Variants in CCDC144A observed in about 807,000 individuals in gnomAD.
CCDC144A encodes the protein coiled-coil domain-containing protein 144A.
CCDC144A carries 41 observed loss-of-function variants against 143.8 expected under a neutral mutation model. That is an observed-to-expected ratio of 0.29 (90% CI 0.22 to 0.37). CCDC144A has a LOEUF of 0.37. Ranked by LOEUF, CCDC144A falls within the 10% of genes least tolerant of loss-of-function variation. The probability of loss-of-function intolerance (pLI) is 1.00; values close to 1 mark genes in which losing one functional copy is unlikely to be tolerated. For missense variants in CCDC144A, 637 were observed against 1,488.8 expected (o/e 0.43, Z 9.41); for synonymous variants, 242 against 517.9 (o/e 0.47, Z 7.23).
intron 2 of CCDC144A, among the ~76,000 whole-genome samples, chr17:16,699,521 G>GCC (rs1911610556): frequency 5.9e-5 from 1 of 17,070 alleles, no homozygotes; most frequent in Non-Finnish European, 1.1e-4. Context: ...GATTACAGGC[G>GCC]TGAGCCACCG....
At position 16,747,842 on chromosome 17, in the gene CCDC144A, A is replaced by G. The variant is rs78472804; in HGVS notation, c.3372+12199A>G. Among the ~76,000 whole-genome samples, 157 of 152,320 alleles carry G rather than the reference A, an allele frequency of 1.0e-3. 1 individual carries two copies. The East Asian group carries it at 0.028, about 27-fold the overall frequency. ...AAATTGGCAAACTCTAGAGTTTTTT[A>G]GGTACAGAATCATATCATCAGCAAA... On this transcript the variant is annotated intron_variant, in intron 12 of 16. Transcript: ENST00000399273.
chr17:16,741,463 A>G (rs1280975100), intron 12 of CCDC144A, among the ~76,000 whole-genome samples: 2 of 152,340 alleles, frequency 1.3e-5, no homozygotes, highest in Non-Finnish European at 2.9e-5. Context: ...CTGGGGTCCA[A>G]GGGTGAGCAG....
intron 3 of CCDC144A, chr17:16,706,895 G>A (rs1236889590): frequency 6.6e-6 from 1 of 152,100 alleles, no homozygotes; most frequent in Non-Finnish European, 1.5e-5. Context: ...CTGTTTACCT[G>A]GGGAAAGATG....
At chr17:16,765,805 G>A (rs551300356) in intron 15 of CCDC144A, 18 of 152,346 alleles carry the variant, frequency 1.2e-4, no homozygotes, top group South Asian at 8.3e-4. Context: ...GATGATCAGC[G>A]TCCAAATGCC....
At chr17:16,725,473 C>A (rs1357770028) in intron 8 of CCDC144A, among the ~76,000 whole-genome samples, 1 of 150,556 alleles carries the variant, frequency 6.6e-6, no homozygotes, top group East Asian at 2.0e-4. Flanking sequence ...ACATCACAGT[C>A]CATCTTCAAA....
chr17:16,682,202 GGT>G, the CCDC144A span, among the ~76,000 whole-genome samples: 103,790 of 145,144 alleles, frequency 0.72, 37,550 homozygotes, highest in East Asian at 0.86. Flanking sequence ...TCTGAAAATG[GGT>G]GTGTGTGTGT....
chr17:16,693,873 CA>C (rs1911245216), intron 2 of CCDC144A, among the ~76,000 whole-genome samples: 1 of 148,270 alleles, frequency 6.7e-6, no homozygotes, highest in Non-Finnish European at 1.5e-5. Context: ...TGTTGACCAG[CA>C]GCCTTATTGA....
At chr17:16,686,434 G>T (rs1910783305), upstream of CCDC144A, among the ~76,000 whole-genome samples, 1 of 152,066 alleles carries the variant, frequency 6.6e-6, no homozygotes, top group Non-Finnish European at 1.5e-5. Context: ...TATAACTCAA[G>T]GAGTTTCCCC....
Position 16,737,201 on chromosome 17 carries a change from C to G in CCDC144A, c.3372+1558C>G, listed in dbSNP as rs1171536166. On this transcript the variant is annotated intron_variant, in intron 12 of 16. Transcript: ENST00000399273. ...TTTTTTTTTGAGACGGAGTCTCGCTCTGTCGCCCAGGCTGGAGTGCAGTGG... is the reference window on the plus strand; with the variant it reads ...TTTTTTTTTGAGACGGAGTCTCGCTGTGTCGCCCAGGCTGGAGTGCAGTGG... Among the ~76,000 whole-genome samples, 490 of 127,348 alleles carry G rather than the reference C, an allele frequency of 3.8e-3. 6 individuals are homozygous for G. Among genetic ancestry groups the G allele is most frequent in the African/African-American group, 0.014 (464 of 33,138 alleles). 83.5% of individuals were successfully genotyped at this position (127,348 alleles called of 152,430 possible).
At chr17:16,750,091 A>G (rs1914720544) in intron 12 of CCDC144A, among the ~76,000 whole-genome samples, 1 of 152,122 alleles carries the variant, frequency 6.6e-6, no homozygotes, top group Non-Finnish European at 1.5e-5. Flanking sequence ...AGACCATTGT[A>G]TTCAGTATTA....
Position 16,708,978 on chromosome 17 carries a change from A to G in CCDC144A, c.921A>G (p.Glu307=), listed in dbSNP as rs778465032. ...AGCAGAGGTTTGGTGAAATTTATGA[A>G]AAATACAAAATTCCGGCTTGTCCTG... ...ELKQRFGEIY[E]KYKIPACPEE... is the part of the protein sequence containing the mutation. Residue 307 remains glutamate (E), a synonymous_variant, in exon 5 of 17, where the codon GAA becomes GAG. Coordinates refer to ENST00000399273, the MANE Select transcript of CCDC144A (RefSeq NM_001382000.1). 5.0e-6 allele frequency: 8 copies of G among 1,611,576 alleles called. No individual in the cohort carries two copies. In the East Asian group the frequency reaches 1.8e-4, roughly 36 times the overall value.
At chr17:16,770,381 C>A (rs532605516) in intron 15 of CCDC144A, among the ~76,000 whole-genome samples, 1 of 152,178 alleles carries the variant, frequency 6.6e-6, no homozygotes. Flanking sequence ...GATCTTCTGA[C>A]CTTGTGATCC....
At chr17:16,733,267 T>C (rs1275069645) in intron 11 of CCDC144A, among the ~76,000 whole-genome samples, 1 of 145,044 alleles carries the variant, frequency 6.9e-6, no homozygotes, top group Non-Finnish European at 1.5e-5. Context: ...TGTGGGAGAC[T>C]GAGGCGGGTG....
At chr17:16,726,657 T>A (rs1913444041) in intron 8 of CCDC144A, among the ~76,000 whole-genome samples, 1 of 152,044 alleles carries the variant, frequency 6.6e-6, no homozygotes, top group Non-Finnish European at 1.5e-5. Context: ...TTCTTTCCAG[T>A]GTTTTTTAGA....
the CCDC144A span, among the ~76,000 whole-genome samples, chr17:16,668,287 T>C: frequency 2.0e-5 from 3 of 152,216 alleles, no homozygotes; most frequent in Non-Finnish European, 2.9e-5. Flanking sequence ...CAACATTCTG[T>C]CTTCAGTATT....
At chr17:16,767,010 G>C (rs1046581128) in intron 15 of CCDC144A, 1 of 152,128 alleles carries the variant, frequency 6.6e-6, no homozygotes, top group Non-Finnish European at 1.5e-5. Context: ...ATCAAGATAT[G>C]AGTGCTGGGT....
chr17:16,673,752 T>A, the CCDC144A span, among the ~76,000 whole-genome samples: 1 of 152,170 alleles, frequency 6.6e-6, no homozygotes, highest in Non-Finnish European at 1.5e-5. Flanking sequence ...ATAATCTTGA[T>A]CCATATACTT....
chr17:16,673,729 A>G, the CCDC144A span, among the ~76,000 whole-genome samples: 8 of 152,218 alleles, frequency 5.3e-5, no homozygotes, highest in South Asian at 1.0e-3. Flanking sequence ...CGTTTAATCT[A>G]TGTCCCTATA....
chr17:16,716,812 GTTTTT>G (rs1281244236), intron 6 of CCDC144A, among the ~76,000 whole-genome samples: 1 of 131,224 alleles, frequency 7.6e-6, no homozygotes. Context: ...GATTCCAGCT[GTTTTT>G]TTTTTTTTTT....
Sources: gnomAD v4.1 joint callset for allele counts (sites outside exome capture counted in the v4.1 genomes callset) on GRCh38, gnomAD v4.1.1 for gene constraint, MANE v1.5 for transcripts, NCBI Gene and HGNC (gene_info 2026-07-23, HGNC 2026-07-21) for gene names.